MCPH1: variants seen among roughly 807,000 people sequenced by gnomAD.
MCPH1 encodes microcephalin 1, also known as microcephalin.
A neutral mutation model predicts 84.5 loss-of-function variants in MCPH1; 104 were observed. The ratio of observed to expected loss-of-function variants is 1.23; its 90% CI spans 1.05 to 1.45. MCPH1 has a LOEUF of 1.45. Ranked by LOEUF, MCPH1 falls within the 40% of genes most tolerant of loss-of-function variation. The pLI, the probability that MCPH1 is intolerant of heterozygous loss-of-function variation, is 0.00. For synonymous variants in MCPH1, 514 were observed against 366.8 expected, an observed-to-expected ratio of 1.40 and a Z score of -4.58; for missense variants, 1,498 against 1,005.7, an observed-to-expected ratio of 1.49 and a Z score of -6.62.
At chr8:6,583,774 C>A (rs1424186384) in intron 12 of MCPH1, among the ~76,000 whole-genome samples, 2 of 149,776 alleles carry the variant, frequency 1.3e-5, no homozygotes, top group Admixed American at 6.7e-5. Flanking sequence ...TAACTGGATG[C>A]AGAAGAGACA....
rs564605408 is a variant in MCPH1 at position 6,557,064 on chromosome 8, C to T, written c.2214+57135C>T. 7.2e-5 allele frequency among the ~76,000 whole-genome samples: 11 copies of T among 152,314 alleles called. 1 individual carries two copies. Among genetic ancestry groups the T allele is most frequent in the Admixed American group, 3.3e-4 (5 of 15,304 alleles). ...GGCGGGGTCATATGGTGTTCACTCACTTACGCTAATGAACTGAGAAATAAC... is the reference window on the plus strand; with the variant it reads ...GGCGGGGTCATATGGTGTTCACTCATTTACGCTAATGAACTGAGAAATAAC... On this transcript the variant is annotated intron_variant, in intron 12 of 13. Coordinates refer to ENST00000344683, the MANE Select transcript of MCPH1 (RefSeq NM_024596.5).
Position 6,644,416 on chromosome 8 carries a change from T to C in MCPH1, c.*1367T>C, listed in dbSNP as rs959629577. The C allele has an allele frequency of 2.0e-5, 3 of 152,192 alleles. No homozygotes were observed. Among genetic ancestry groups the C allele is most frequent in the Non-Finnish European group, 2.9e-5 (2 of 68,042 alleles). 9.4% of individuals were successfully genotyped at this position (152,192 alleles called of 1,614,324 possible). ...AAGAAGTCAAACTGTCTCTCTTCAC[T>C]GCCGATATGATTCTATACCTAGAAA... On this transcript the variant is annotated 3_prime_UTR_variant, in exon 14 of 14. Transcript: ENST00000344683.
chr8:6,598,390 CAG>C (rs1301284877), intron 12 of MCPH1, among the ~76,000 whole-genome samples: 1 of 152,100 alleles, frequency 6.6e-6, no homozygotes, highest in Non-Finnish European at 1.5e-5. Flanking sequence ...AACCCAAAGA[CAG>C]AGCCGGCGAC....
chr8:6,638,981 G>C (rs145602572), intron 13 of MCPH1, among the ~76,000 whole-genome samples: 1 of 152,210 alleles, frequency 6.6e-6, no homozygotes, highest in African/African-American at 2.4e-5. Flanking sequence ...CAGAAGTCCA[G>C]TGTAATTCCT....
chr8:6,472,822 A>G (rs975789222), intron 9 of MCPH1, among the ~76,000 whole-genome samples: 1 of 152,216 alleles, frequency 6.6e-6, no homozygotes, highest in Non-Finnish European at 1.5e-5. Context: ...GCGGAAGGCA[A>G]AATATCAAAA....
At chr8:6,432,517 C>G (rs1036359197) in intron 4 of MCPH1, among the ~76,000 whole-genome samples, 1 of 152,146 alleles carries the variant, frequency 6.6e-6, no homozygotes, top group African/African-American at 2.4e-5. Context: ...TTTCGGCTTT[C>G]TATTTATGTA....
In MCPH1 at chr8:6,621,599, G is replaced by T. The variant is rs765841327; in HGVS notation, c.2360G>T (p.Ser787Ile). ...GTCCACCTGTGCGGAGGCCGGGTCA[G>T]CCAAGTCCCCCGCCAGGCCAGCATC... ...ELVHLCGGRV[S>I]QVPRQASIVI... The change falls in exon 13 of 14, where the codon AGC becomes ATC. Residue 787 changes from serine (S) to isoleucine (I), a missense_variant. Ser to Ile is a moderately radical substitution (Grantham distance 142). Coordinates refer to ENST00000344683, the MANE Select transcript of MCPH1 (RefSeq NM_024596.5). 6.2e-7 allele frequency: 1 copy of T among 1,614,230 alleles called. No homozygotes were observed. The highest frequency in any genetic ancestry group is 8.5e-7 in the Non-Finnish European group (1 of 1,180,042).
chr8:6,406,702 C>A lies in MCPH1; in HGVS notation c.22+13C>A. ...CCCATCCTGAAAGGTGAGGTACTTC[C>A]TGCTGCCTGCTCCAGCAGCGGGAGT... On this transcript the variant is annotated intron_variant, in intron 1 of 13. Coordinates refer to ENST00000344683, the MANE Select transcript of MCPH1 (RefSeq NM_024596.5). The A allele has an allele frequency of 6.2e-7, 1 of 1,612,000 alleles. No individual in the cohort carries two copies. The highest frequency in any genetic ancestry group is 8.5e-7 in the Non-Finnish European group (1 of 1,179,438).
chr8:6,627,719 C>T (rs903635587), intron 13 of MCPH1, among the ~76,000 whole-genome samples: 1 of 151,902 alleles, frequency 6.6e-6, no homozygotes, highest in African/African-American at 2.4e-5. Flanking sequence ...GGTAGAATCT[C>T]GTCTGTACAA....
intron 12 of MCPH1, chr8:6,502,587 C>A (rs913925252): frequency 1.3e-5 from 2 of 152,320 alleles, no homozygotes; most frequent in African/African-American, 4.8e-5. Context: ...TCTAGTAACC[C>A]CTTCTCAGAA....
chr8:6,508,670 C>T, intron 12 of MCPH1: 1 of 590,988 alleles, frequency 1.7e-6, no homozygotes, highest in Non-Finnish European at 3.0e-6. Context: ...TGCTAAGAAT[C>T]AAATATCCCC....
At chr8:6,487,983 A>G (rs967544307) in intron 11 of MCPH1, among the ~76,000 whole-genome samples, 10 of 152,242 alleles carry the variant, frequency 6.6e-5, no homozygotes, top group Middle Eastern at 3.2e-3. Context: ...GGCAGTGACT[A>G]TGGTCTTACA....
At chr8:6,419,668 C>G (rs1262826705) in intron 3 of MCPH1, among the ~76,000 whole-genome samples, 8 of 151,396 alleles carry the variant, frequency 5.3e-5, no homozygotes, top group Admixed American at 5.3e-4. Flanking sequence ...TCCCAAAGTG[C>G]AACCCGGCAT....
At chr8:6,504,281 GC>G (rs1812810470) in intron 12 of MCPH1, among the ~76,000 whole-genome samples, 1 of 131,460 alleles carries the variant, frequency 7.6e-6, no homozygotes, top group Admixed American at 9.2e-5. Context: ...TCGCGCCACT[GC>G]ACTCCAGCCT....
chr8:6,601,875 A>T (rs776382584), intron 12 of MCPH1, among the ~76,000 whole-genome samples: 4 of 152,160 alleles, frequency 2.6e-5, no homozygotes, highest in Admixed American at 6.5e-5. Flanking sequence ...TAGAGAAATT[A>T]GTGTCACCCT....
chr8:6,530,683 A>G (rs1385355063), intron 12 of MCPH1, among the ~76,000 whole-genome samples: 2 of 152,174 alleles, frequency 1.3e-5, no homozygotes, highest in South Asian at 2.1e-4. Flanking sequence ...ATATTTATGT[A>G]TGTTTTTCTT....
chr8:6,603,930 T>C (rs931175860), intron 12 of MCPH1, among the ~76,000 whole-genome samples: 1 of 152,200 alleles, frequency 6.6e-6, no homozygotes, highest in African/African-American at 2.4e-5. Context: ...CAAAAATAAT[T>C]TGGTGAAGAT....
At chr8:6,452,782 C>T (rs1231751274) in intron 8 of MCPH1, among the ~76,000 whole-genome samples, 1 of 152,216 alleles carries the variant, frequency 6.6e-6, no homozygotes, top group East Asian at 1.9e-4. Flanking sequence ...ACCATGGGGG[C>T]ACCGTGATCT....
At chr8:6,447,082 T>A (rs1213328610) in intron 8 of MCPH1, 1 of 985,358 alleles carries the variant, frequency 1.0e-6, no homozygotes, top group South Asian at 4.7e-5. Flanking sequence ...TACAGTCACC[T>A]GCCTTCATGC....
Sources: gnomAD v4.1 joint callset for allele counts (sites outside exome capture counted in the v4.1 genomes callset) on GRCh38, gnomAD v4.1.1 for gene constraint, MANE v1.5 for transcripts, NCBI Gene and HGNC (gene_info 2026-07-23, HGNC 2026-07-21) for gene names.